Variants in TRIM45 observed in about 807,000 individuals in gnomAD.
TRIM45 encodes the protein E3 ubiquitin-protein ligase TRIM45.
TRIM45 carries 45 observed loss-of-function variants against 46.7 expected under a neutral mutation model. The ratio of observed to expected loss-of-function variants is 0.96; its 90% CI spans 0.76 to 1.24. The LOEUF (loss-of-function observed/expected upper bound fraction) is 1.24. Ranked by LOEUF, TRIM45 falls within the 50% of genes most tolerant of loss-of-function variation. The pLI is 0.00. For missense variants in TRIM45, 680 were observed against 728.4 expected (o/e 0.93, Z 0.77); for synonymous variants, 259 against 285.8 (o/e 0.91, Z 0.94).
rs1650643093 is a variant in TRIM45, at chr1:117,121,701, G to A, written c.-500C>T. 5.3e-6 allele frequency: 3 copies of A among 565,764 alleles called. No homozygotes were observed. The highest frequency in any genetic ancestry group is 6.5e-5 in the East Asian group (2 of 30,874). 35.0% of individuals were successfully genotyped at this position (565,764 alleles called of 1,614,324 possible). ...GCAAGCCGCCGGCGGGCTTCTCGGTGTCCACCGCCTCTCCCGCGCCTCGGC... is the reference window on the plus strand; with the variant it reads ...GCAAGCCGCCGGCGGGCTTCTCGGTATCCACCGCCTCTCCCGCGCCTCGGC... On this transcript the variant is annotated 5_prime_UTR_variant, in exon 1 of 6. Coordinates refer to ENST00000256649, the MANE Select transcript of TRIM45 (RefSeq NM_025188.4). This position sits in a 1 kb window ranked among gnomAD's most constrained non-coding sequence, Gnocchi z 4.2.
Position 117,121,516 on chromosome 1 carries a change from G to T in TRIM45, c.-315C>A. 1.9e-6 allele frequency: 1 copy of T among 522,048 alleles called. No homozygotes were observed. The highest frequency in any genetic ancestry group is 3.2e-5 in the East Asian group (1 of 30,904). 32.3% of individuals were successfully genotyped at this position (522,048 alleles called of 1,614,324 possible). Reference sequence around the variant, plus strand: ...TCCAGCTAGTCCTGCTGCCAACAAAGTCACCCCTGCACCTCTCGCTCCCTC... The same window carrying T: ...TCCAGCTAGTCCTGCTGCCAACAAATTCACCCCTGCACCTCTCGCTCCCTC... On this transcript the variant is annotated 5_prime_UTR_variant, in exon 1 of 6. Coordinates refer to ENST00000256649, the MANE Select transcript of TRIM45 (RefSeq NM_025188.4). The surrounding 1 kb of genome is among the most constrained non-coding windows in gnomAD (Gnocchi z 4.2).
upstream of TRIM45, chr1:117,121,857 C>T: frequency 1.4e-6 from 1 of 715,022 alleles, no homozygotes; most frequent in Non-Finnish European, 2.6e-6. This position sits in a 1 kb window ranked among gnomAD's most constrained non-coding sequence, Gnocchi z 4.2. Flanking sequence ...AGTGACGCCA[C>T]TAAGCATCCA....
Position 117,120,743 on chromosome 1 carries a change from G to A in TRIM45, c.459C>T (p.Asn153=). 6.2e-7 allele frequency: 1 copy of A among 1,611,964 alleles called. No homozygotes were observed. Among genetic ancestry groups the A allele is most frequent in the Non-Finnish European group, 8.5e-7 (1 of 1,178,622 alleles). The change falls in exon 1 of 6, where the codon AAC becomes AAT. Residue 153 remains asparagine (N), a synonymous_variant. Coordinates refer to ENST00000256649, the MANE Select transcript of TRIM45 (RefSeq NM_025188.4). The stretch of plus-strand genomic sequence containing the variant: ...GAGCCTGGCAGCAGAAGTGGCAGAG[G>A]TTGGCTTTGCAGGTCTGACACCTCT... The part of the protein sequence containing the change: ...VEKRCQTCKA[N]LCHFCCQAHR...
At position 117,121,238 on chromosome 1, in the gene TRIM45, T is replaced by C. The variant is rs1449634237; in HGVS notation, c.-37A>G. ...TTGTGACCAATATTAGAAAGGGCCC[T>C]GGGCAGTTCTACGATTTAGTAGCAG... On this transcript the variant is annotated 5_prime_UTR_variant, in exon 1 of 6. Transcript: ENST00000256649. The surrounding 1 kb of genome is among the most constrained non-coding windows in gnomAD (Gnocchi z 4.2). The C allele has an allele frequency of 1.8e-5, 27 of 1,468,326 alleles. No individual in the cohort carries two copies. Among genetic ancestry groups the C allele is most frequent in the Non-Finnish European group, 2.5e-5 (27 of 1,101,510 alleles). The allele number at this position is 1,468,326 out of a possible 1,614,324, so 91.0% of individuals were successfully genotyped here. A position where few individuals can be genotyped will look rare whatever the true frequency, so the allele number is the denominator to read the frequency against.
chr1:117,121,741 G>C lies in TRIM45; in HGVS notation c.-540C>G. 3 of 630,494 alleles carry C rather than the reference G, an allele frequency of 4.8e-6. No homozygotes were observed. In the South Asian group the frequency reaches 5.1e-5, roughly 11 times the overall value. The allele number at this position is 630,494 out of a possible 1,614,324, so 39.1% of individuals were successfully genotyped here. ...CGCGCCTCGGCCCGGGACGCCCGCGGGCTCTGGCCCCTCCTCACACCAATC... is the reference window on the plus strand; with the variant it reads ...CGCGCCTCGGCCCGGGACGCCCGCGCGCTCTGGCCCCTCCTCACACCAATC... On this transcript the variant is annotated 5_prime_UTR_variant, in exon 1 of 6. Coordinates refer to ENST00000256649, the MANE Select transcript of TRIM45 (RefSeq NM_025188.4). The surrounding 1 kb of genome is among the most constrained non-coding windows in gnomAD (Gnocchi z 4.2).
rs1053369536 is a variant in TRIM45, at chr1:117,117,852, C to T, written c.1222+182G>A. ...AAGCCTCACTCCTGTATTAACTGTA[C>T]CCTAGCCAGAACAAACCAGAAAGGG... is the stretch of plus-strand genomic sequence containing the variant. On this transcript the variant is annotated intron_variant, in intron 2 of 5. Transcript: ENST00000256649. This position sits in a 1 kb window ranked among gnomAD's most constrained non-coding sequence, Gnocchi z 4.9. Among the ~76,000 whole-genome samples the T allele has an allele frequency of 4.6e-5, 7 of 152,190 alleles. No homozygotes were observed. The highest frequency in any genetic ancestry group is 1.3e-4 in the Admixed American group (2 of 15,284).
Position 117,113,520 on chromosome 1 carries a change from C to G in TRIM45, c.1468-35G>C. Reference sequence around the variant, plus strand: ...TCAGACCAAAAGCAATGAACAGCATCTTACGAGTTAACAGGATGTGCTGCG... The same window carrying G: ...TCAGACCAAAAGCAATGAACAGCATGTTACGAGTTAACAGGATGTGCTGCG... On this transcript the variant is annotated intron_variant, in intron 4 of 5. Transcript: ENST00000256649. This position sits in a 1 kb window ranked among gnomAD's most constrained non-coding sequence, Gnocchi z 4.0. 1 of 1,603,038 alleles carries G rather than the reference C, an allele frequency of 6.2e-7. No individual in the cohort carries two copies. Among genetic ancestry groups the G allele is most frequent in the Non-Finnish European group, 8.5e-7 (1 of 1,173,380 alleles).
At chr1:117,120,120 A>C (rs1199403853) in intron 1 of TRIM45, among the ~76,000 whole-genome samples, 3 of 152,158 alleles carry the variant, frequency 2.0e-5, no homozygotes, top group Admixed American at 2.0e-4. Context: ...CCACCTCACC[A>C]AGCTCCAGAG....
chr1:117,118,487 C>G lies in TRIM45; in HGVS notation c.769G>C (p.Ala257Pro). ...GCACTGTTTATTATGTGGATCTGAG[C>G]CAGGGCTTCCTCCAGGGCCTCCACG... The part of the protein sequence containing the change: ...PHVEALEEAL[A>P]QIHIINSALQ... The change falls in exon 2 of 6, where the codon GCT becomes CCT. Residue 257 changes from alanine (A) to proline (P), a missense_variant. Transcript: ENST00000256649. The surrounding 1 kb of genome is among the most constrained non-coding windows in gnomAD (Gnocchi z 5.7). 1 of 1,614,152 alleles carries G rather than the reference C, an allele frequency of 6.2e-7. No individual in the cohort carries two copies. The highest frequency in any genetic ancestry group is 8.5e-7 in the Non-Finnish European group (1 of 1,180,036).
Position 117,121,372 on chromosome 1 carries a change from G to T in TRIM45, c.-171C>A. The T allele has an allele frequency of 1.4e-6, 1 of 734,844 alleles. No individual in the cohort carries two copies. The highest frequency in any genetic ancestry group is 2.2e-6 in the Non-Finnish European group (1 of 464,370). The allele number at this position is 734,844 out of a possible 1,614,324, so 45.5% of individuals were successfully genotyped here. A position where few individuals can be genotyped will look rare whatever the true frequency, so the allele number is the denominator to read the frequency against. On this transcript the variant is annotated 5_prime_UTR_variant, in exon 1 of 6. Transcript: ENST00000256649. The surrounding 1 kb of genome is among the most constrained non-coding windows in gnomAD (Gnocchi z 4.2). ...ACGGGAAGACGAGGCGTCCTCGAAGGAATCACCCACAGATCTACTCAGGAG... is the reference window on the plus strand; with the variant it reads ...ACGGGAAGACGAGGCGTCCTCGAAGTAATCACCCACAGATCTACTCAGGAG...
In TRIM45 at chr1:117,121,144, C is replaced by T; in HGVS notation, c.58G>A (p.Ala20Thr). ...GFVSKLTSGT[A>T]LGNSGKTHCP... ...TGAGTCTTGCCTGAGTTCCCAAGTGCAGTCCCACTAGTGAGTTTGCTTACA... is the reference window on the plus strand; with the variant it reads ...TGAGTCTTGCCTGAGTTCCCAAGTGTAGTCCCACTAGTGAGTTTGCTTACA... The change falls in exon 1 of 6, where the codon GCA becomes ACA. Residue 20 changes from alanine to threonine, a missense_variant. By Grantham distance (58) the Ala-to-Thr change is moderately conservative. Coordinates refer to ENST00000256649, the MANE Select transcript of TRIM45 (RefSeq NM_025188.4). This position sits in a 1 kb window ranked among gnomAD's most constrained non-coding sequence, Gnocchi z 4.2. 2 of 1,605,936 alleles carry T rather than the reference C, an allele frequency of 1.2e-6. No individual in the cohort carries two copies. Among genetic ancestry groups the T allele is most frequent in the Non-Finnish European group, 1.7e-6 (2 of 1,176,204 alleles).
At position 117,117,908 on chromosome 1, in the gene TRIM45, GT is replaced by G; in HGVS notation, c.1222+125del. 7.8e-7 allele frequency: 1 copy of G among 1,288,652 alleles called. No homozygotes were observed. Among genetic ancestry groups the G allele is most frequent in the Non-Finnish European group, 1.1e-6 (1 of 930,310 alleles). 79.8% of individuals were successfully genotyped at this position (1,288,652 alleles called of 1,614,324 possible). ...GTGGGGGTCACTGTCTTTCAGATCA[GT>G]TTATCTCCCCACCTTTGGTAACCTG... is the stretch of plus-strand genomic sequence containing the variant. On this transcript the variant is annotated intron_variant, in intron 2 of 5. Coordinates refer to ENST00000256649, the MANE Select transcript of TRIM45 (RefSeq NM_025188.4). The surrounding 1 kb of genome is among the most constrained non-coding windows in gnomAD (Gnocchi z 4.9).
Position 117,115,778 on chromosome 1 carries a change from C to A in TRIM45, c.1353-89G>T. The A allele has an allele frequency of 1.2e-6, 1 of 833,176 alleles. No individual in the cohort carries two copies. Among genetic ancestry groups the A allele is most frequent in the African/African-American group, 1.7e-5 (1 of 59,366 alleles). 51.6% of individuals were successfully genotyped at this position (833,176 alleles called of 1,614,324 possible). A position where few individuals can be genotyped will look rare whatever the true frequency, so the allele number is the denominator to read the frequency against. On this transcript the variant is annotated intron_variant, in intron 3 of 5. Transcript: ENST00000256649. This position sits in a 1 kb window ranked among gnomAD's most constrained non-coding sequence, Gnocchi z 4.2. ...TCAGAATGTAAACTCTACACCATCC[C>A]ATTCAGTATTAATGTTAAATATACC... is the stretch of plus-strand genomic sequence containing the variant.
At chr1:117,122,021 T>C (rs911986078), upstream of TRIM45, 14 of 541,546 alleles carry the variant, frequency 2.6e-5, no homozygotes, top group African/African-American at 2.6e-4. Context: ...AGCGTCACCG[T>C]TTCACAGGGA....
chr1:117,121,826 C>A, upstream of TRIM45: 1 of 714,172 alleles, frequency 1.4e-6, no homozygotes, highest in South Asian at 1.5e-5. This position sits in a 1 kb window ranked among gnomAD's most constrained non-coding sequence, Gnocchi z 4.2. Context: ...CCTCGCCGCT[C>A]CGGGCCCCGC....
upstream of TRIM45, chr1:117,121,966 C>T (rs978221121): frequency 4.9e-6 from 3 of 616,988 alleles, no homozygotes; most frequent in East Asian, 3.1e-5. This position sits in a 1 kb window ranked among gnomAD's most constrained non-coding sequence, Gnocchi z 4.2. Context: ...TAGAGTGCGG[C>T]GGGAGGAAAA....
rs1322234765 is a variant in TRIM45, at chr1:117,118,206, C to A, written c.1050G>T (p.Val350=). 2 of 1,614,174 alleles carry A rather than the reference C, an allele frequency of 1.2e-6. No individual in the cohort carries two copies. Among genetic ancestry groups the A allele is most frequent in the Admixed American group, 3.3e-5 (2 of 60,024 alleles). ...TGTTCAGCTTCCTGAGCCGTTCTACCACCACCCTCTTGGTGATGAGGATCT... is the reference window on the plus strand; with the variant it reads ...TGTTCAGCTTCCTGAGCCGTTCTACAACCACCCTCTTGGTGATGAGGATCT... ...DLEILITKRV[V]VERLRKLNKV... The change falls in exon 2 of 6, where the codon GTG becomes GTT. Residue 350 remains valine (V), a synonymous_variant. Transcript: ENST00000256649. The surrounding 1 kb of genome is among the most constrained non-coding windows in gnomAD (Gnocchi z 5.7).
rs765502684 is a variant in TRIM45, at chr1:117,112,288, G to C, written c.*17C>G. ...AGTGGTGCTGCCTGCAGCTTTAAAA[G>C]GCTGAGCACAAACCCATCAGAGAGC... On this transcript the variant is annotated 3_prime_UTR_variant, in exon 6 of 6. Coordinates refer to ENST00000256649, the MANE Select transcript of TRIM45 (RefSeq NM_025188.4). 1 of 1,546,316 alleles carries C rather than the reference G, an allele frequency of 6.5e-7. No individual in the cohort carries two copies. The highest frequency in any genetic ancestry group is 1.2e-5 in the South Asian group (1 of 80,330).
chr1:117,121,197 G>C lies in TRIM45; in HGVS notation c.5C>G (p.Ser2Ter). 6.5e-7 allele frequency: 1 copy of C among 1,547,374 alleles called. No individual in the cohort carries two copies. Among genetic ancestry groups the C allele is most frequent in the Non-Finnish European group, 8.7e-7 (1 of 1,152,648 alleles). Residue 2 changes from serine to a stop codon, truncating the protein, a stop_gained, in exon 1 of 6, where the codon TCA (serine) becomes TGA (stop). Transcript: ENST00000256649. LOFTEE classifies it high-confidence loss of function. The surrounding 1 kb of genome is among the most constrained non-coding windows in gnomAD (Gnocchi z 4.2). M[S>*]ENRKPLLGFV... is the part of the protein sequence containing the mutation. ...GCCCAGCAGCGGTTTTCTGTTTTCT[G>C]ACATACTCCTCACGTTTGTGACCAA... is the stretch of plus-strand genomic sequence containing the variant.
Sources: gnomAD v4.1 joint callset for allele counts (sites outside exome capture counted in the v4.1 genomes callset) on GRCh38, gnomAD v4.1.1 for gene constraint, Gnocchi (gnomAD v3.1) non-coding constraint, MANE v1.5 for transcripts, NCBI Gene and HGNC (gene_info 2026-07-23, HGNC 2026-07-21) for gene names.